Variants in CACNB2 observed in about 807,000 individuals in gnomAD.
CACNB2 encodes the protein calcium voltage-gated channel auxiliary subunit beta 2, also known as voltage-dependent L-type calcium channel subunit beta-2.
In CACNB2, 42 loss-of-function variants were observed where a neutral mutation model predicts 73.3. The observed-to-expected ratio is 0.57, with a 90% CI of 0.45 to 0.74. The LOEUF (loss-of-function observed/expected upper bound fraction) is 0.74. Ranked by LOEUF, CACNB2 falls within the 30% of genes least tolerant of loss-of-function variation. CACNB2 has a pLI of 0.00. For synonymous variants in CACNB2, 348 were observed against 310.3 expected, an observed-to-expected ratio of 1.12 and a Z score of -1.28; for missense variants, 940 against 853.0, an observed-to-expected ratio of 1.10 and a Z score of -1.27.
chr10:18,473,451 G>T (rs755521663), intron 3 of CACNB2, among the ~76,000 whole-genome samples: 1 of 152,146 alleles, frequency 6.6e-6, no homozygotes, highest in Non-Finnish European at 1.5e-5. Flanking sequence ...AATATGTTGC[G>T]CTTGCTCCTT....
chr10:18,209,577 T>C (rs2035233723), intron 2 of CACNB2, among the ~76,000 whole-genome samples: 1 of 152,204 alleles, frequency 6.6e-6, no homozygotes, highest in South Asian at 2.1e-4. Context: ...GGTTATTTTT[T>C]CACTTATAAT....
intron 2 of CACNB2, among the ~76,000 whole-genome samples, chr10:18,312,684 A>G (rs2040007504): frequency 6.6e-6 from 1 of 152,160 alleles, no homozygotes; most frequent in Non-Finnish European, 1.5e-5. Context: ...CATACACTGA[A>G]TTAGATTTGG....
intron 6 of CACNB2, among the ~76,000 whole-genome samples, chr10:18,510,287 G>A (rs946509065): frequency 9.2e-5 from 14 of 152,158 alleles, no homozygotes; most frequent in African/African-American, 3.4e-4. Context: ...TGCAGCCAAA[G>A]ATGTATACGT....
At chr10:18,415,490 G>GA (rs560392057) in intron 3 of CACNB2, among the ~76,000 whole-genome samples, 7 of 148,910 alleles carry the variant, frequency 4.7e-5, no homozygotes, top group Admixed American at 1.3e-4. Context: ...ACAAAGAAAA[G>GA]AAAAAAAAAG....
intron 2 of CACNB2, among the ~76,000 whole-genome samples, chr10:18,278,648 G>C (rs140245385): frequency 6.6e-6 from 1 of 152,098 alleles, no homozygotes; most frequent in Admixed American, 6.5e-5. Context: ...GATAGAAAAC[G>C]GCTAAGTCAG....
At chr10:18,372,170 G>C (rs1246934787) in intron 2 of CACNB2, among the ~76,000 whole-genome samples, 1 of 152,104 alleles carries the variant, frequency 6.6e-6, no homozygotes, top group African/African-American at 2.4e-5. Flanking sequence ...TCACTCTGAT[G>C]GTAGTTTCTT....
At position 18,177,448 on chromosome 10, in the gene CACNB2, C is replaced by T. The variant is rs191681633; in HGVS notation, c.213+26473C>T. ...CAGCCTGGCCAACGTGGTGAAACCC[C>T]GTCTCTATTAAAAATGCAAAAAAAA... On this transcript the variant is annotated intron_variant, in intron 2 of 13. Transcript: ENST00000324631. 5.3e-3 allele frequency among the ~76,000 whole-genome samples: 715 copies of T among 134,584 alleles called. 3 individuals carry two copies. Among genetic ancestry groups the T allele is most frequent in the African/African-American group, 0.019 (674 of 34,652 alleles). 88.3% of individuals were successfully genotyped at this position (134,584 alleles called of 152,430 possible).
At chr10:18,348,581 T>G (rs2132119869) in intron 2 of CACNB2, among the ~76,000 whole-genome samples, 1 of 152,222 alleles carries the variant, frequency 6.6e-6, no homozygotes, top group East Asian at 1.9e-4. Flanking sequence ...TGGCCTGATC[T>G]CGGCTCACTG....
chr10:18,515,168 G>T, intron 7 of CACNB2: 1 of 752,898 alleles, frequency 1.3e-6, no homozygotes, highest in Non-Finnish European at 2.4e-6. Flanking sequence ...TTTGCCATTG[G>T]CCATCCAAGA....
At chr10:18,527,459 T>A in intron 9 of CACNB2, 129 bp from the exon 10 acceptor site, 1 of 695,668 alleles carries the variant, frequency 1.4e-6, no homozygotes, top group South Asian at 1.6e-5. Context: ...GTAAGTATCC[T>A]AACACATATG....
chr10:18,334,424 G>T (rs574298997), intron 2 of CACNB2, among the ~76,000 whole-genome samples: 16 of 152,138 alleles, frequency 1.1e-4, no homozygotes, highest in Non-Finnish European at 2.1e-4. Flanking sequence ...TGCCTCTCCA[G>T]TCTTCTGTCC....
At chr10:18,422,207 T>C (rs2045360564) in intron 3 of CACNB2, among the ~76,000 whole-genome samples, 1 of 152,240 alleles carries the variant, frequency 6.6e-6, no homozygotes, top group African/African-American at 2.4e-5. Flanking sequence ...ACTTTCTGAG[T>C]TGCTTTATCT....
chr10:18,459,380 T>C (rs2132663138), intron 3 of CACNB2, among the ~76,000 whole-genome samples: 1 of 152,310 alleles, frequency 6.6e-6, no homozygotes. Context: ...CCCATGGGAC[T>C]TGTGGTTTTC....
At chr10:18,327,045 T>TA (rs1470864123) in intron 2 of CACNB2, among the ~76,000 whole-genome samples, 4 of 151,972 alleles carry the variant, frequency 2.6e-5, no homozygotes, top group Non-Finnish European at 4.4e-5. Flanking sequence ...ATGATTTTTT[T>TA]TTAAGCATTC....
chr10:18,514,485 T>C (rs573601419), intron 7 of CACNB2, 116 bp downstream of exon 7: 12 of 1,614,002 alleles, frequency 7.4e-6, no homozygotes, highest in Admixed American at 1.7e-5. Context: ...TGCTCTGTTA[T>C]TTGTTTCTTT....
At position 18,165,804 on chromosome 10, in the gene CACNB2, T is replaced by G. The variant is rs368640827; in HGVS notation, c.213+14829T>G. On this transcript the variant is annotated intron_variant, in intron 2 of 13. Coordinates refer to ENST00000324631, the MANE Select transcript of CACNB2 (RefSeq NM_201596.3). ...AGTGTATTTTTATAGCTTGCTCTAT[T>G]AGTGTGGAACATTTTAAAGGGCAGT... Among the ~76,000 whole-genome samples, 5 of 152,356 alleles carry G rather than the reference T, an allele frequency of 3.3e-5. No individual in the cohort carries two copies. In the South Asian group the frequency reaches 1.0e-3, roughly 32 times the overall value.
At chr10:18,331,288 A>T (rs1315441778) in intron 2 of CACNB2, among the ~76,000 whole-genome samples, 1 of 151,426 alleles carries the variant, frequency 6.6e-6, no homozygotes, top group East Asian at 2.0e-4. Context: ...CTGGCCATAA[A>T]TTTTTTTTGA....
At chr10:18,394,617 C>G (rs536835850) in intron 2 of CACNB2, among the ~76,000 whole-genome samples, 121 of 152,158 alleles carry the variant, frequency 8.0e-4, no homozygotes, top group African/African-American at 2.7e-3. Context: ...GCAATGAGTC[C>G]CCTGCTTCGT....
chr10:18,278,786 C>T (rs908424637), intron 2 of CACNB2, among the ~76,000 whole-genome samples: 1 of 151,918 alleles, frequency 6.6e-6, no homozygotes, highest in Non-Finnish European at 1.5e-5. Flanking sequence ...GGGGCCGAGG[C>T]GGGTGGATCC....
Sources: allele counts gnomAD v4.1 joint callset (sites outside exome capture counted in the v4.1 genomes callset), GRCh38; gene constraint gnomAD v4.1.1; transcripts MANE v1.5; gene names NCBI Gene and HGNC (gene_info 2026-07-23, HGNC 2026-07-21).